The following KDM2B variants were observed in gnomAD, a reference collection of about 807,000 sequenced individuals.
KDM2B encodes lysine demethylase 2B, also known as lysine-specific demethylase 2B.
Under a neutral mutation model 150.0 loss-of-function variants are expected in KDM2B, and 26 were observed. The observed-to-expected ratio is 0.17, with a 90% CI of 0.13 to 0.24. KDM2B has a LOEUF of 0.24. Among genes scored for constraint, KDM2B ranks in the 10% least tolerant of loss-of-function variants. KDM2B has a pLI of 1.00. For missense variants in KDM2B, 1,265 were observed against 1,816.9 expected, an observed-to-expected ratio of 0.70 and a Z score of 5.52; for synonymous variants, 734 against 729.5, an observed-to-expected ratio of 1.01 and a Z score of -0.10.
chr12:121,424,633 C>T (rs544957295), downstream of KDM2B, among the ~76,000 whole-genome samples: 1 of 151,336 alleles, frequency 6.6e-6, no homozygotes, highest in African/African-American at 2.4e-5. Flanking sequence ...ATGGCTTGAG[C>T]CTTGGGTGTG....
intron 6 of KDM2B, among the ~76,000 whole-genome samples, chr12:121,546,565 T>G (rs1566402435): frequency 6.6e-6 from 1 of 151,018 alleles, no homozygotes; most frequent in African/African-American, 2.4e-5. Context: ...TTTTGGTTTT[T>G]TTTTTTTGTT....
chr12:121,433,180 G>A, intron 22 of KDM2B: 1 of 456,710 alleles, frequency 2.2e-6, no homozygotes, highest in South Asian at 1.5e-5. Context: ...CCCAAAACTG[G>A]AGCCCAAAGA....
chr12:121,409,696 A>G, the KDM2B span: 7 of 152,388 alleles, frequency 4.6e-5, no homozygotes, highest in South Asian at 1.4e-3. Flanking sequence ...ACATGCAGCC[A>G]AGGCTGAAAA....
At chr12:121,425,957 C>T (rs1432291918), downstream of KDM2B, among the ~76,000 whole-genome samples, 5 of 151,888 alleles carry the variant, frequency 3.3e-5, no homozygotes, top group African/African-American at 1.2e-4. Context: ...TTAGTAGAGA[C>T]GGGGTTTCAC....
At chr12:121,506,477 C>G (rs1185126034) in intron 11 of KDM2B, among the ~76,000 whole-genome samples, 1 of 152,092 alleles carries the variant, frequency 6.6e-6, no homozygotes, top group African/African-American at 2.4e-5. Context: ...GGAGGCCTGT[C>G]CACCTAATTT....
chr12:121,567,886 G>A (rs1186255115), intron 4 of KDM2B, among the ~76,000 whole-genome samples: 1 of 151,640 alleles, frequency 6.6e-6, no homozygotes, highest in African/African-American at 2.4e-5. Context: ...GCACCACCAA[G>A]CCCGGCTAAT....
Position 121,430,456 on chromosome 12 carries a change from G to T in KDM2B, c.3843C>A (p.Val1281=). The change falls in exon 23 of 23, where the codon GTC becomes GTA. Residue 1281 remains valine (V), a synonymous_variant. Transcript: ENST00000377071. This position sits in a 1 kb window ranked among gnomAD's most constrained non-coding sequence, Gnocchi z 4.4. The part of the protein sequence containing the change: ...TEINLSDCNK[V]TDQCLSFFKR... ...TGAAGAAGGACAGGCACTGATCAGTGACCTTATTGCAGTCTGCAGAGAAGA... is the reference window on the plus strand; with the variant it reads ...TGAAGAAGGACAGGCACTGATCAGTTACCTTATTGCAGTCTGCAGAGAAGA... 6.2e-7 allele frequency: 1 copy of T among 1,613,686 alleles called. No homozygotes were observed. Among genetic ancestry groups the T allele is most frequent in the Non-Finnish European group, 8.5e-7 (1 of 1,179,622 alleles).
Position 121,553,057 on chromosome 12 carries a change from C to G in KDM2B, c.398-3419G>C, listed in dbSNP as rs143431610. Among the ~76,000 whole-genome samples, 83 of 151,996 alleles carry G rather than the reference C, an allele frequency of 5.5e-4. No homozygotes were observed. In the East Asian group the frequency reaches 0.016, roughly 29 times the overall value. The stretch of plus-strand genomic sequence containing the variant: ...ACCATCTTGGCTAACACGGTGAAAC[C>G]CCGAGAATACTAAAAATACAAAAAA... On this transcript the variant is annotated intron_variant, in intron 4 of 22. Coordinates refer to ENST00000377071, the MANE Select transcript of KDM2B (RefSeq NM_032590.5).
At chr12:121,539,318 C>G (rs539452834) in intron 6 of KDM2B, among the ~76,000 whole-genome samples, 1 of 100,722 alleles carries the variant, frequency 9.9e-6, no homozygotes, top group African/African-American at 4.5e-5. Context: ...ACATAGGAGA[C>G]CCTCTCCCAA....
rs1234297712 is a variant in KDM2B, at chr12:121,467,052, C to T, written c.1735-13708G>A. 5 of 554,892 alleles carry T rather than the reference C, an allele frequency of 9.0e-6. No individual in the cohort carries two copies. The highest frequency in any genetic ancestry group is 1.2e-5 in the Non-Finnish European group (5 of 423,894). 34.4% of individuals were successfully genotyped at this position (554,892 alleles called of 1,614,324 possible). ...GCCGGCAGCGGCAGCAAAACTTTCTCCTCATCGCGGCGGCGGCGGCGTCGC... is the reference window on the plus strand; with the variant it reads ...GCCGGCAGCGGCAGCAAAACTTTCTTCTCATCGCGGCGGCGGCGGCGTCGC... On this transcript the variant is annotated intron_variant, in intron 12 of 22. Coordinates refer to ENST00000377071, the MANE Select transcript of KDM2B (RefSeq NM_032590.5). This position sits in a 1 kb window ranked among gnomAD's most constrained non-coding sequence, Gnocchi z 5.1.
intron 4 of KDM2B, among the ~76,000 whole-genome samples, chr12:121,554,084 C>CA (rs71079077): frequency 7.1e-6 from 1 of 141,406 alleles, no homozygotes; most frequent in Non-Finnish European, 1.5e-5. Context: ...CACACACACA[C>CA]AAATTGGCCA....
chr12:121,567,076 G>T (rs1555315116), intron 4 of KDM2B, among the ~76,000 whole-genome samples: 1 of 151,968 alleles, frequency 6.6e-6, no homozygotes, highest in African/African-American at 2.4e-5. Flanking sequence ...GTAGAGACGA[G>T]GTTTTACCAT....
At chr12:121,538,367 G>A (rs997286896) in intron 6 of KDM2B, among the ~76,000 whole-genome samples, 5 of 152,128 alleles carry the variant, frequency 3.3e-5, no homozygotes, top group Admixed American at 6.5e-5. Flanking sequence ...GCTAGGGGCC[G>A]CGGGGAGAGT....
At chr12:121,564,609 T>A (rs915661159) in intron 4 of KDM2B, among the ~76,000 whole-genome samples, 2 of 152,098 alleles carry the variant, frequency 1.3e-5, no homozygotes, top group African/African-American at 4.8e-5. Flanking sequence ...TAAGAAGATA[T>A]GCAAGTCTTC....
chr12:121,529,565 A>G (rs1887448694), intron 8 of KDM2B, among the ~76,000 whole-genome samples: 1 of 151,994 alleles, frequency 6.6e-6, no homozygotes. Context: ...CGAATCTCAG[A>G]TGTGTGTCTG....
chr12:121,548,560 G>A (rs1240411126), intron 6 of KDM2B, among the ~76,000 whole-genome samples: 3 of 152,222 alleles, frequency 2.0e-5, no homozygotes, highest in Non-Finnish European at 2.9e-5. Flanking sequence ...ACAAAAGTAT[G>A]CACAGTTGTG....
At chr12:121,417,580 C>T in the KDM2B span, 1 of 1,614,076 alleles carries the variant, frequency 6.2e-7, no homozygotes. This position sits in a 1 kb window ranked among gnomAD's most constrained non-coding sequence, Gnocchi z 5.0. Flanking sequence ...AGATGTTCTA[C>T]TTGTCACTTA....
intron 22 of KDM2B, among the ~76,000 whole-genome samples, chr12:121,435,109 G>T (rs1338104229): frequency 6.6e-6 from 1 of 151,696 alleles, no homozygotes; most frequent in Non-Finnish European, 1.5e-5. Context: ...TGGGGCAGGA[G>T]GACTACTTGA....
chr12:121,420,329 G>C, the KDM2B span: 1 of 1,562,862 alleles, frequency 6.4e-7, no homozygotes, highest in Non-Finnish European at 8.7e-7. Flanking sequence ...AAACGCAGAG[G>C]ATCGGGTGAG....
Sources: allele counts gnomAD v4.1 joint callset (sites outside exome capture counted in the v4.1 genomes callset), GRCh38; gene constraint gnomAD v4.1.1; non-coding constraint Gnocchi (gnomAD v3.1); transcripts MANE v1.5; gene names NCBI Gene and HGNC (gene_info 2026-07-23, HGNC 2026-07-21).